Variants in XRCC4 observed in about 807,000 individuals in gnomAD.
The protein encoded by XRCC4 is X-ray repair cross complementing 4.
XRCC4 carries 28 observed loss-of-function variants against 39.1 expected under a neutral mutation model. The ratio of observed to expected loss-of-function variants is 0.72; its 90% CI spans 0.53 to 0.98. The LOEUF (loss-of-function observed/expected upper bound fraction) is 0.98. XRCC4 is among the 50% of genes least tolerant of loss of function. The probability of loss-of-function intolerance (pLI) is 0.00; values close to 1 mark genes in which losing one functional copy is unlikely to be tolerated. For missense variants in XRCC4, 350 were observed against 376.4 expected (o/e 0.93, Z 0.58); for synonymous variants, 123 against 126.4 (o/e 0.97, Z 0.18).
chr5:83,205,220 G>A (rs1226370787), intron 6 of XRCC4, among the ~76,000 whole-genome samples: 1 of 152,088 alleles, frequency 6.6e-6, no homozygotes, highest in African/African-American at 2.4e-5. Context: ...ACACCTTTAT[G>A]CTAAATATCA....
chr5:83,333,183 T>C (rs897737897), intron 7 of XRCC4, among the ~76,000 whole-genome samples: 8 of 152,154 alleles, frequency 5.3e-5, no homozygotes, highest in Admixed American at 1.3e-4. Flanking sequence ...AATGGAACTC[T>C]TATTTGCACA....
chr5:83,293,222 T>C (rs925615237), intron 7 of XRCC4, among the ~76,000 whole-genome samples: 6 of 151,962 alleles, frequency 3.9e-5, no homozygotes, highest in Non-Finnish European at 8.8e-5. Context: ...ATATTTCTCT[T>C]ATGTATCACC....
chr5:83,166,554 C>T lies in XRCC4; in HGVS notation c.316-29216C>T, dbSNP rs548731276. Among the ~76,000 whole-genome samples the T allele has an allele frequency of 2.6e-5, 4 of 151,842 alleles. No individual in the cohort carries two copies. In the East Asian group the frequency reaches 7.8e-4, roughly 30 times the overall value. The stretch of plus-strand genomic sequence containing the variant: ...TCTCAGCTCACTGCAGCCTCCACCT[C>T]CTGGATTCAGGTGATTCTCAGGCCT... On this transcript the variant is annotated intron_variant, in intron 3 of 7. Transcript: ENST00000396027.
chr5:83,196,850 G>A (rs1750972237), intron 4 of XRCC4, among the ~76,000 whole-genome samples: 2 of 151,776 alleles, frequency 1.3e-5, no homozygotes, highest in Admixed American at 6.6e-5. Context: ...CGCAACCATT[G>A]TGATTGCTCT....
intron 1 of XRCC4, among the ~76,000 whole-genome samples, chr5:83,086,549 C>G (rs1745191407): frequency 6.6e-6 from 1 of 152,112 alleles, no homozygotes; most frequent in African/African-American, 2.4e-5. Flanking sequence ...GTTGAGCTGG[C>G]TGGGGCGGAA....
At chr5:83,133,662 C>A (rs1747725023) in intron 3 of XRCC4, among the ~76,000 whole-genome samples, 1 of 152,194 alleles carries the variant, frequency 6.6e-6, no homozygotes, top group East Asian at 1.9e-4. Context: ...GTGAGCGAGG[C>A]TCCATGGGCA....
chr5:83,223,377 T>C (rs1185312722), intron 6 of XRCC4, among the ~76,000 whole-genome samples: 1 of 152,110 alleles, frequency 6.6e-6, no homozygotes, highest in Non-Finnish European at 1.5e-5. Context: ...ATTTGCTCTA[T>C]ATATTTGGGT....
intron 7 of XRCC4, among the ~76,000 whole-genome samples, chr5:83,296,107 G>A (rs900633141): frequency 2.0e-5 from 3 of 152,020 alleles, no homozygotes; most frequent in East Asian, 3.9e-4. Flanking sequence ...TTTCTTCCTC[G>A]TCTCTCCTTT....
chr5:83,253,506 G>C (rs1167085928), intron 6 of XRCC4, among the ~76,000 whole-genome samples: 1 of 151,974 alleles, frequency 6.6e-6, no homozygotes, highest in Non-Finnish European at 1.5e-5. Flanking sequence ...TTGTGTGTGT[G>C]TGTGTGTGTA....
chr5:83,294,520 T>C (rs1013831926), intron 7 of XRCC4, among the ~76,000 whole-genome samples: 4 of 152,036 alleles, frequency 2.6e-5, no homozygotes, highest in Non-Finnish European at 5.9e-5. Flanking sequence ...TTTAGGAGCA[T>C]TGGATAGCTA....
intron 3 of XRCC4, among the ~76,000 whole-genome samples, chr5:83,141,791 A>G (rs1311613515): frequency 6.6e-6 from 1 of 152,076 alleles, no homozygotes; most frequent in Non-Finnish European, 1.5e-5. Context: ...GGACTTCCCA[A>G]AATATTAATC....
At chr5:83,350,487 G>C (rs956084413) in intron 7 of XRCC4, among the ~76,000 whole-genome samples, 1 of 151,934 alleles carries the variant, frequency 6.6e-6, no homozygotes, top group African/African-American at 2.4e-5. Flanking sequence ...ATCTCATTGT[G>C]GCTTTGATTT....
intron 6 of XRCC4, among the ~76,000 whole-genome samples, chr5:83,252,082 G>A (rs551025484): frequency 6.6e-6 from 1 of 152,164 alleles, no homozygotes; most frequent in African/African-American, 2.4e-5. Context: ...AGTATGGTGT[G>A]CTAGACCTTA....
At chr5:83,230,028 C>G (rs959984293) in intron 6 of XRCC4, among the ~76,000 whole-genome samples, 2 of 151,928 alleles carry the variant, frequency 1.3e-5, no homozygotes, top group Non-Finnish European at 2.9e-5. Context: ...TTCCATTGCT[C>G]TGTGCATTTA....
intron 3 of XRCC4, among the ~76,000 whole-genome samples, chr5:83,176,544 A>G (rs946303638): frequency 1.3e-5 from 2 of 152,178 alleles, no homozygotes; most frequent in African/African-American, 2.4e-5. Flanking sequence ...TTGTGACACA[A>G]TGCCTCCCTT....
At chr5:83,183,280 T>G (rs557432065) in intron 3 of XRCC4, among the ~76,000 whole-genome samples, 1 of 152,278 alleles carries the variant, frequency 6.6e-6, no homozygotes, top group South Asian at 2.1e-4. Flanking sequence ...GACTCATGTC[T>G]ACACATTTTT....
chr5:83,151,375 C>G (rs1425567507), intron 3 of XRCC4, among the ~76,000 whole-genome samples: 1 of 152,048 alleles, frequency 6.6e-6, no homozygotes, highest in African/African-American at 2.4e-5. Flanking sequence ...TTATGTACTG[C>G]TGAAAAGTGC....
intron 3 of XRCC4, among the ~76,000 whole-genome samples, chr5:83,118,105 C>T (rs1320323655): frequency 6.6e-6 from 1 of 151,496 alleles, no homozygotes. Flanking sequence ...ATCTAAAACT[C>T]TAGAATTTGC....
intron 7 of XRCC4, among the ~76,000 whole-genome samples, chr5:83,268,283 C>A (rs1236700358): frequency 6.6e-6 from 1 of 152,068 alleles, no homozygotes; most frequent in Non-Finnish European, 1.5e-5. Context: ...TAAACTTAGT[C>A]TTTACCAAAA....
Sources: allele counts gnomAD v4.1 joint callset (sites outside exome capture counted in the v4.1 genomes callset), GRCh38; gene constraint gnomAD v4.1.1; transcripts MANE v1.5; gene names NCBI Gene and HGNC (gene_info 2026-07-23, HGNC 2026-07-21).